The following ZPLD1 variants were observed in gnomAD, a reference collection of about 807,000 sequenced individuals.
ZPLD1 encodes zona pellucida-like domain-containing protein 1.
A neutral mutation model predicts 47.2 loss-of-function variants in ZPLD1; 34 were observed. That is an observed-to-expected ratio of 0.72 (90% CI 0.55 to 0.96). The LOEUF (loss-of-function observed/expected upper bound fraction) is 0.96, where lower values mean the gene tolerates loss of function less well. Among genes scored for constraint, ZPLD1 ranks in the 40% least tolerant of loss-of-function variants. The pLI, the probability that ZPLD1 is intolerant of heterozygous loss-of-function variation, is 0.00. For missense variants in ZPLD1, 512 were observed against 505.8 expected (o/e 1.01, Z -0.12); for synonymous variants, 176 against 186.2 (o/e 0.95, Z 0.45).
At chr3:102,393,599 T>C (rs16845008) in intron 7 of ZPLD1, among the ~76,000 whole-genome samples, 36,391 of 151,654 alleles carry the variant, frequency 0.24, 5,439 homozygotes, top group East Asian at 0.38. Context: ...CCTAACCTGA[T>C]GTATGCTGAG....
intron 6 of ZPLD1, among the ~76,000 whole-genome samples, chr3:102,461,776 CA>C (rs1707510040): frequency 6.6e-6 from 1 of 151,904 alleles, no homozygotes; most frequent in East Asian, 1.9e-4. Context: ...CTTTGGTTTT[CA>C]ATTAAACTTT....
Position 102,391,489 on chromosome 3 carries a change from G to T in ZPLD1, c.-212-681G>T, listed in dbSNP as rs62274719. 9.1e-3 allele frequency among the ~76,000 whole-genome samples: 1,380 copies of T among 152,118 alleles called. 16 individuals carry two copies. Among genetic ancestry groups the T allele is most frequent in the Non-Finnish European group, 0.016 (1,069 of 67,998 alleles). On this transcript the variant is annotated intron_variant, in intron 6 of 17. Coordinates refer to the ZPLD1 transcript ENST00000491959. Reference sequence around the variant, plus strand: ...GATATGATGTGATTTCTGAATCTCGGTATAAAAAGTGATACAGTTTCTGCT... The same window carrying T: ...GATATGATGTGATTTCTGAATCTCGTTATAAAAAGTGATACAGTTTCTGCT...
intron 7 of ZPLD1, among the ~76,000 whole-genome samples, chr3:102,400,267 T>C (rs569420178): frequency 1.2e-4 from 18 of 152,268 alleles, no homozygotes; most frequent in African/African-American, 3.6e-4. Context: ...ATGTCTTGAA[T>C]GATTTTCCTT....
intron 5 of ZPLD1, among the ~76,000 whole-genome samples, chr3:102,456,797 C>T (rs1332874415): frequency 6.6e-6 from 1 of 152,198 alleles, no homozygotes; most frequent in African/African-American, 2.4e-5. Context: ...TGGCTTCCCT[C>T]TTGGCCATAT....
At chr3:102,458,910 A>G (rs993226760) in intron 6 of ZPLD1, among the ~76,000 whole-genome samples, 1 of 151,970 alleles carries the variant, frequency 6.6e-6, no homozygotes, top group African/African-American at 2.4e-5. Context: ...TAACACGGTG[A>G]AACCCTGTCT....
At position 102,444,476 on chromosome 3, in the gene ZPLD1, C is replaced by A. The variant is rs1707227464; in HGVS notation, c.106+5883C>A. 2.0e-5 allele frequency among the ~76,000 whole-genome samples: 3 copies of A among 152,126 alleles called. No individual in the cohort carries two copies. In the East Asian group the frequency reaches 5.8e-4, roughly 29 times the overall value. ...ACTTCTAGCTCTTTTAGCACCAAAA[C>A]CTCAATCTTATATAAAAACTTGGTA... On this transcript the variant is annotated intron_variant, in intron 3 of 11. Transcript: ENST00000466937.
intron 7 of ZPLD1, among the ~76,000 whole-genome samples, chr3:102,417,122 A>G (rs1196090594): frequency 1.3e-5 from 2 of 151,976 alleles, no homozygotes; most frequent in Non-Finnish European, 2.9e-5. Context: ...TTGTTAAAGT[A>G]CCCTGAGCCA....
chr3:102,468,848 G>T, intron 8 of ZPLD1, 116 bp from the exon 9 acceptor site: 1 of 951,532 alleles, frequency 1.1e-6, no homozygotes, highest in Non-Finnish European at 1.6e-6. Flanking sequence ...ACGTGGCATG[G>T]TTCTGTTAGC....
intron 8 of ZPLD1, among the ~76,000 whole-genome samples, chr3:102,429,518 A>G (rs981584705): frequency 5.3e-5 from 8 of 151,958 alleles, no homozygotes; most frequent in African/African-American, 1.9e-4. Context: ...ATCTCCTTGG[A>G]CTCTTTTTAG....
At chr3:102,465,641 A>G (rs1707580037) in intron 8 of ZPLD1, among the ~76,000 whole-genome samples, 3 of 152,140 alleles carry the variant, frequency 2.0e-5, no homozygotes, top group Admixed American at 2.0e-4. Context: ...CTGGAATATG[A>G]TCATCAGACT....
chr3:102,442,174 G>T (rs1324025007), intron 3 of ZPLD1, among the ~76,000 whole-genome samples: 1 of 152,066 alleles, frequency 6.6e-6, no homozygotes, highest in Non-Finnish European at 1.5e-5. Flanking sequence ...CAGAAAAAGG[G>T]AGGAAGTCTC....
intron 7 of ZPLD1, among the ~76,000 whole-genome samples, chr3:102,406,720 T>G (rs1392275593): frequency 6.6e-6 from 1 of 151,978 alleles, no homozygotes. Context: ...TGAATGATTT[T>G]TATTCTAAAC....
chr3:102,467,037 A>G (rs1310613637), intron 8 of ZPLD1, among the ~76,000 whole-genome samples: 1 of 152,120 alleles, frequency 6.6e-6, no homozygotes, highest in Non-Finnish European at 1.5e-5. Flanking sequence ...AAAGACATAG[A>G]AATAAAATTT....
chr3:102,423,486 A>G (rs1706904962), intron 8 of ZPLD1, among the ~76,000 whole-genome samples: 1 of 152,136 alleles, frequency 6.6e-6, no homozygotes, highest in Admixed American at 6.6e-5. Context: ...ATCTTAACTC[A>G]AGGAACTCTC....
intron 10 of ZPLD1, 27 bp downstream of exon 10, chr3:102,470,529 AG>A: frequency 6.3e-7 from 1 of 1,587,550 alleles, no homozygotes; most frequent in Non-Finnish European, 8.6e-7. Context: ...TTCTGTATGT[AG>A]TAATAGACGG....
chr3:102,398,838 A>G (rs926429733), intron 7 of ZPLD1, among the ~76,000 whole-genome samples: 17 of 152,252 alleles, frequency 1.1e-4, no homozygotes, highest in Non-Finnish European at 2.2e-4. Flanking sequence ...ATGCATATTT[A>G]TACTGCTGCT....
chr3:102,410,508 C>T lies in ZPLD1; in HGVS notation c.-156-7552C>T, dbSNP rs376721458. ...AAAATTTATATGCACAAAAATGCAA[C>T]AGATTGCTAGCTACTCTAATATTTA... On this transcript the variant is annotated intron_variant, in intron 7 of 17. Coordinates refer to the ZPLD1 transcript ENST00000491959. Among the ~76,000 whole-genome samples, 59 of 151,776 alleles carry T rather than the reference C, an allele frequency of 3.9e-4. 2 individuals carry two copies. In the South Asian group the frequency reaches 0.012, roughly 30 times the overall value.
chr3:102,401,064 T>C (rs955092219), intron 7 of ZPLD1, among the ~76,000 whole-genome samples: 1 of 152,018 alleles, frequency 6.6e-6, no homozygotes, highest in Non-Finnish European at 1.5e-5. Flanking sequence ...CACAACTCAT[T>C]GTTAAGCTGA....
chr3:102,458,153 G>A (rs1043367382), intron 6 of ZPLD1, among the ~76,000 whole-genome samples: 1 of 152,086 alleles, frequency 6.6e-6, no homozygotes, highest in Non-Finnish European at 1.5e-5. Flanking sequence ...TTAGGTAGGG[G>A]TGTGTGAGTA....
Sources: gnomAD v4.1 joint callset for allele counts (sites outside exome capture counted in the v4.1 genomes callset) on GRCh38, gnomAD v4.1.1 for gene constraint, MANE v1.5 for transcripts, NCBI Gene and HGNC (gene_info 2026-07-23, HGNC 2026-07-21) for gene names.